Variants in PRKCZ observed in about 807,000 individuals in gnomAD.
PRKCZ encodes the protein protein kinase C zeta type.
PRKCZ carries 33 observed loss-of-function variants against 79.5 expected under a neutral mutation model. That is an observed-to-expected ratio of 0.41 (90% CI 0.31 to 0.55). The LOEUF is 0.55. PRKCZ is among the 20% of genes least tolerant of loss of function. The pLI, the probability that PRKCZ is intolerant of heterozygous loss-of-function variation, is 0.19. For synonymous variants in PRKCZ, 342 were observed against 320.9 expected (o/e 1.07, Z -0.70); for missense variants, 578 against 813.5 (o/e 0.71, Z 3.52).
intron 4 of PRKCZ, among the ~76,000 whole-genome samples, chr1:2,114,161 A>G (rs1670290435): frequency 2.6e-5 from 2 of 76,300 alleles, no homozygotes; most frequent in African/African-American, 1.1e-4. Context: ...GCTTTTCTCC[A>G]GGAGGACGCT....
In PRKCZ at chr1:2,174,537, G is replaced by A. The variant is rs937146065; in HGVS notation, c.1406-217G>A. Among the ~76,000 whole-genome samples, 6 of 152,236 alleles carry A rather than the reference G, an allele frequency of 3.9e-5. No homozygotes were observed. The highest frequency in any genetic ancestry group is 5.9e-5 in the Non-Finnish European group (4 of 68,034). ...TGAGGAAGGGGAGCTGCTGGTTCAC[G>A]TCCGATCCTACGACACGTGCCAGCG... On this transcript the variant is annotated intron_variant, in intron 14 of 17. Transcript: ENST00000378567. The surrounding 1 kb of genome is among the most constrained non-coding windows in gnomAD (Gnocchi z 6.2).
chr1:2,156,175 A>C, intron 10 of PRKCZ, 83 bp downstream of exon 10: 3 of 1,309,864 alleles, frequency 2.3e-6, no homozygotes, highest in Non-Finnish European at 3.3e-6. Context: ...TGATGTGTCA[A>C]CTGTCACCTG....
intron 4 of PRKCZ, among the ~76,000 whole-genome samples, chr1:2,077,003 T>C (rs2490550): frequency 0.49 from 74,899 of 151,932 alleles, 22,827 homozygotes; most frequent in East Asian, 0.95. Flanking sequence ...ATTCCACCGT[T>C]GTGGGGCAGC....
chr1:2,095,026 G>GC (rs1666213014), intron 4 of PRKCZ, among the ~76,000 whole-genome samples: 1 of 152,112 alleles, frequency 6.6e-6, no homozygotes, highest in South Asian at 2.1e-4. Context: ...TGTCACCCCA[G>GC]CCCCCCATGT....
chr1:2,169,679 C>G, intron 11 of PRKCZ, 75 bp downstream of exon 11: 3 of 483,662 alleles, frequency 6.2e-6, no homozygotes, highest in Non-Finnish European at 9.1e-6. Context: ...TGTTGGGGGG[C>G]TGGGTGGGTG....
At chr1:2,095,529 TC>T (rs960342063) in intron 4 of PRKCZ, among the ~76,000 whole-genome samples, 3 of 151,976 alleles carry the variant, frequency 2.0e-5, no homozygotes, top group Non-Finnish European at 4.4e-5. Context: ...CCTTTTCAAG[TC>T]CCTGTCAGTT....
At chr1:2,110,492 G>A (rs1007722983) in intron 4 of PRKCZ, among the ~76,000 whole-genome samples, 1 of 152,126 alleles carries the variant, frequency 6.6e-6, no homozygotes, top group Non-Finnish European at 1.5e-5. Context: ...TGGTACCAGG[G>A]TCCCCTGAAT....
chr1:2,150,698 G>A (rs978985808), intron 8 of PRKCZ, 92 bp from the exon 9 acceptor site: 1 of 1,304,376 alleles, frequency 7.7e-7, no homozygotes, highest in Non-Finnish European at 1.1e-6. Flanking sequence ...TGAGGAGCAG[G>A]TCTCTGTTGG....
rs1443241313 is a variant in PRKCZ, at chr1:2,082,765, G to A, written c.334+23174G>A. On this transcript the variant is annotated intron_variant, in intron 4 of 17. Coordinates refer to ENST00000378567, the MANE Select transcript of PRKCZ (RefSeq NM_002744.6). The surrounding 1 kb of genome is among the most constrained non-coding windows in gnomAD (Gnocchi z 4.4). ...TGTTTTTTTGCCTGAGCGTCCGGGGGTGGCTTTGAGGACACCTGTCCTCCT... is the reference window on the plus strand; with the variant it reads ...TGTTTTTTTGCCTGAGCGTCCGGGGATGGCTTTGAGGACACCTGTCCTCCT... 6.6e-6 allele frequency among the ~76,000 whole-genome samples: 1 copy of A among 152,086 alleles called. No individual in the cohort carries two copies. Among genetic ancestry groups the A allele is most frequent in the Non-Finnish European group, 1.5e-5 (1 of 67,998 alleles).
At chr1:2,167,177 G>A (rs757034629) in intron 10 of PRKCZ, among the ~76,000 whole-genome samples, 1 of 152,238 alleles carries the variant, frequency 6.6e-6, no homozygotes, top group African/African-American at 2.4e-5. Context: ...TCAGCAAGCT[G>A]CCTGGGTCCT....
At chr1:2,068,671 A>G (rs1661322687) in intron 4 of PRKCZ, among the ~76,000 whole-genome samples, 2 of 152,200 alleles carry the variant, frequency 1.3e-5, no homozygotes, top group African/African-American at 4.8e-5. Flanking sequence ...ACAGTTGACT[A>G]CATCAAGGTC....
chr1:2,129,898 T>G (rs766889216), intron 4 of PRKCZ, among the ~76,000 whole-genome samples: 4 of 151,940 alleles, frequency 2.6e-5, no homozygotes, highest in Admixed American at 6.6e-5. Context: ...GGTTTTTTTG[T>G]TTGTTTGTTT....
At chr1:2,056,436 T>G in intron 2 of PRKCZ, 48 bp from the exon 3 acceptor site, 1 of 1,557,790 alleles carries the variant, frequency 6.4e-7, no homozygotes, top group Non-Finnish European at 8.8e-7. Context: ...ACAGCCCCCT[T>G]TGCCTCGGGC....
At chr1:2,081,084 C>T (rs929915953) in intron 4 of PRKCZ, among the ~76,000 whole-genome samples, 2 of 152,232 alleles carry the variant, frequency 1.3e-5, no homozygotes, top group Non-Finnish European at 2.9e-5. Context: ...CCGTGCTGTC[C>T]TGTCTGCGGA....
At position 2,124,245 on chromosome 1, in the gene PRKCZ, TGGTGGTTAGGGTCATGGC is replaced by T. The variant is rs1366399343; in HGVS notation, c.335-11013_335-10996del. Among the ~76,000 whole-genome samples, 5 of 6,048 alleles carry T rather than the reference TGGTGGTTAGGGTCATGGC, an allele frequency of 8.3e-4. 2 individuals are homozygous for T. The highest frequency in any genetic ancestry group is 1.3e-3 in the Non-Finnish European group (5 of 3,818). The allele number at this position is 6,048 out of a possible 152,430, so 4.0% of individuals were successfully genotyped here. A position where few individuals can be genotyped will look rare whatever the true frequency, so the allele number is the denominator to read the frequency against. ...GTCACGGTGGTGGTTAGGGTCACGG[TGGTGGTTAGGGTCATGGC>T]GGTAGTTAGGGTCACGGCTGTAGTT... On this transcript the variant is annotated intron_variant, in intron 4 of 17. Coordinates refer to ENST00000378567, the MANE Select transcript of PRKCZ (RefSeq NM_002744.6).
intron 4 of PRKCZ, among the ~76,000 whole-genome samples, chr1:2,065,169 C>A (rs1277857791): frequency 1.2e-4 from 19 of 152,106 alleles, no homozygotes; most frequent in Non-Finnish European, 1.2e-4. Flanking sequence ...TATAAAAGTG[C>A]AGTTGATTTT....
At chr1:2,139,007 G>A (rs1676788757) in intron 5 of PRKCZ, among the ~76,000 whole-genome samples, 1 of 152,192 alleles carries the variant, frequency 6.6e-6, no homozygotes, top group Non-Finnish European at 1.5e-5. Context: ...TTTAGACTCA[G>A]CCACACAGAA....
intron 10 of PRKCZ, among the ~76,000 whole-genome samples, chr1:2,158,953 T>A (rs1166819184): frequency 6.6e-6 from 1 of 150,408 alleles, no homozygotes. Flanking sequence ...TGAGACGGAG[T>A]CTTGCTCTGT....
chr1:2,082,544 G>A lies in PRKCZ; in HGVS notation c.334+22953G>A, dbSNP rs1405931892. On this transcript the variant is annotated intron_variant, in intron 4 of 17. Transcript: ENST00000378567. This position sits in a 1 kb window ranked among gnomAD's most constrained non-coding sequence, Gnocchi z 4.4. ...GTGCTGGTAAATGCTCTGTGAGGAAGGAACGATGGTGGGATTTGTCACTCA... is the reference window on the plus strand; with the variant it reads ...GTGCTGGTAAATGCTCTGTGAGGAAAGAACGATGGTGGGATTTGTCACTCA... 5.2e-6 allele frequency: 2 copies of A among 384,624 alleles called. No homozygotes were observed. Among genetic ancestry groups the A allele is most frequent in the African/African-American group, 2.1e-5 (1 of 47,726 alleles). 23.8% of individuals were successfully genotyped at this position (384,624 alleles called of 1,614,324 possible).
Sources: allele counts gnomAD v4.1 joint callset (sites outside exome capture counted in the v4.1 genomes callset), GRCh38; gene constraint gnomAD v4.1.1; non-coding constraint Gnocchi (gnomAD v3.1); transcripts MANE v1.5; gene names NCBI Gene and HGNC (gene_info 2026-07-23, HGNC 2026-07-21).